OSBPL6: variants seen among roughly 807,000 people sequenced by gnomAD.
OSBPL6 encodes oxysterol-binding protein-related protein 6.
In OSBPL6, 49 loss-of-function variants were observed where a neutral mutation model predicts 125.8. The observed-to-expected ratio is 0.39, with a 90% CI of 0.31 to 0.49. OSBPL6 has a LOEUF of 0.49. Ranked by LOEUF, OSBPL6 falls within the 20% of genes least tolerant of loss-of-function variation. The pLI is 0.88. For synonymous variants in OSBPL6, 394 were observed against 391.8 expected, an observed-to-expected ratio of 1.01 and a Z score of -0.07; for missense variants, 986 against 1,135.4, an observed-to-expected ratio of 0.87 and a Z score of 1.89.
intron 1 of OSBPL6, among the ~76,000 whole-genome samples, chr2:178,224,455 G>C (rs2090468418): frequency 6.6e-6 from 1 of 152,184 alleles, no homozygotes; most frequent in Non-Finnish European, 1.5e-5. Flanking sequence ...AAACAGCCTT[G>C]CATGTGAATG....
At chr2:178,290,690 A>G (rs1379978269) in intron 2 of OSBPL6, among the ~76,000 whole-genome samples, 1 of 152,094 alleles carries the variant, frequency 6.6e-6, no homozygotes, top group Non-Finnish European at 1.5e-5. Flanking sequence ...TGTGCATTCC[A>G]TACCCCAGTC....
chr2:178,202,900 G>GTACCT (rs2089332392), intron 1 of OSBPL6, among the ~76,000 whole-genome samples: 1 of 151,706 alleles, frequency 6.6e-6, no homozygotes, highest in African/African-American at 2.4e-5. Context: ...GTACCTTGAT[G>GTACCT]TGGTTTTCTT....
At chr2:178,394,250 T>C in intron 23 of OSBPL6, 63 bp from the exon 24 acceptor site, 6 of 1,576,842 alleles carry the variant, frequency 3.8e-6, no homozygotes, top group Non-Finnish European at 5.2e-6. Flanking sequence ...TTTGTGCAAA[T>C]GAGGTTTTTT....
chr2:178,383,703 A>G (rs1040417390), intron 17 of OSBPL6, among the ~76,000 whole-genome samples: 1 of 152,280 alleles, frequency 6.6e-6, no homozygotes, highest in African/African-American at 2.4e-5. Context: ...CGCAACCACA[A>G]TCCTCATGCA....
chr2:178,194,817 C>T (rs1054129489), intron 1 of OSBPL6, 143 bp downstream of exon 1: 1 of 152,302 alleles, frequency 6.6e-6, no homozygotes, highest in Non-Finnish European at 1.5e-5. Flanking sequence ...GTCCCCAGGA[C>T]ATCGCCGTCC....
intron 1 of OSBPL6, among the ~76,000 whole-genome samples, chr2:178,213,458 T>G (rs1236253598): frequency 6.6e-6 from 1 of 151,906 alleles, no homozygotes; most frequent in African/African-American, 2.4e-5. Context: ...CTAAACTCCA[T>G]GTCTTGTTGA....
At chr2:178,356,789 T>G (rs1691833159) in intron 12 of OSBPL6, among the ~76,000 whole-genome samples, 1 of 152,222 alleles carries the variant, frequency 6.6e-6, no homozygotes, top group Admixed American at 6.5e-5. Context: ...AAGACAATCT[T>G]AAGCAAAAAG....
chr2:178,334,901 G>A (rs1374013973), intron 8 of OSBPL6, among the ~76,000 whole-genome samples: 2 of 152,044 alleles, frequency 1.3e-5, no homozygotes, highest in African/African-American at 4.8e-5. Flanking sequence ...ATAGGGTGTT[G>A]GATTAACCCT....
chr2:178,238,925 A>G (rs334001), intron 1 of OSBPL6, among the ~76,000 whole-genome samples: 97,095 of 152,148 alleles, frequency 0.64, 33,214 homozygotes, highest in African/African-American at 0.9. Context: ...GCCTGTTAAC[A>G]GTCACCTCCA....
intron 3 of OSBPL6, among the ~76,000 whole-genome samples, chr2:178,323,311 C>A (rs1339751906): frequency 2.0e-5 from 3 of 152,130 alleles, no homozygotes. Flanking sequence ...GTGTACTTCA[C>A]CCATTTTTCT....
intron 8 of OSBPL6, among the ~76,000 whole-genome samples, chr2:178,335,097 T>TA (rs1689560622): frequency 6.6e-6 from 1 of 152,158 alleles, no homozygotes. Context: ...AATAGATCTT[T>TA]AAAAAATATA....
At chr2:178,311,163 A>G (rs1574834919) in intron 3 of OSBPL6, among the ~76,000 whole-genome samples, 1 of 152,250 alleles carries the variant, frequency 6.6e-6, no homozygotes, top group South Asian at 2.1e-4. Flanking sequence ...CTGAGCGCAT[A>G]CCATGTTCCC....
rs200622460 is a variant in OSBPL6 at position 178,383,250 on chromosome 2, G to T, written c.1848G>T (p.Ser616=). The T allele has an allele frequency of 6.2e-7, 1 of 1,614,104 alleles. No homozygotes were observed. Among genetic ancestry groups the T allele is most frequent in the South Asian group, 1.1e-5 (1 of 91,072 alleles). ...MEYSELLDKA[S]ETDDPYERMV... ...ACAGCGAGCTCCTGGACAAGGCTTC[G>T]GAAACTGATGATCCATATGAGCGCA... The change falls in exon 17 of 25, where the codon TCG becomes TCT. Residue 616 remains serine, a synonymous_variant. Transcript: ENST00000190611.
At chr2:178,256,927 T>C (rs2091904607) in intron 1 of OSBPL6, among the ~76,000 whole-genome samples, 1 of 152,168 alleles carries the variant, frequency 6.6e-6, no homozygotes, top group Non-Finnish European at 1.5e-5. Flanking sequence ...TGTCTCTCAA[T>C]ATGACTTGTA....
At chr2:178,212,801 C>T (rs1445091184) in intron 1 of OSBPL6, among the ~76,000 whole-genome samples, 1 of 143,026 alleles carries the variant, frequency 7.0e-6, no homozygotes, top group East Asian at 2.0e-4. Context: ...TGAACACAGA[C>T]CCTCTTGATA....
In OSBPL6 at chr2:178,394,397, G is replaced by A; in HGVS notation, c.2658G>A (p.Met886Ile). Residue 886 changes from methionine to isoleucine, a missense_variant, in exon 24 of 25, where the codon ATG becomes ATA. By Grantham distance (10) the Met-to-Ile change is conservative. Around this residue, in one of 3 missense-constraint regions of OSBPL6, gnomAD observed 843 missense variants for 997.3 expected, o/e 0.85. Coordinates refer to ENST00000190611, the MANE Select transcript of OSBPL6 (RefSeq NM_032523.4). ...TCCAGAGATCTCGGAGACGATATAT[G>A]GAAGAAAACAATCTTGAACATATAC... The part of the protein sequence containing the change: ...EELQRSRRRY[M>I]EENNLEHIPK... 6.2e-7 allele frequency: 1 copy of A among 1,613,074 alleles called. No homozygotes were observed. Among genetic ancestry groups the A allele is most frequent in the Non-Finnish European group, 8.5e-7 (1 of 1,179,652 alleles).
intron 2 of OSBPL6, 126 bp downstream of exon 2, chr2:178,285,247 T>C (rs1462185910): frequency 2.5e-6 from 1 of 392,528 alleles, no homozygotes; most frequent in Non-Finnish European, 4.5e-6. Flanking sequence ...CTCTTATTTG[T>C]ATGTCAGATC....
chr2:178,342,074 AT>A (rs1413212271), intron 11 of OSBPL6, among the ~76,000 whole-genome samples: 1 of 152,122 alleles, frequency 6.6e-6, no homozygotes, highest in African/African-American at 2.4e-5. Flanking sequence ...CCTGTTTTAA[AT>A]GTTTTGATCA....
intron 1 of OSBPL6, among the ~76,000 whole-genome samples, chr2:178,264,968 C>A (rs1661676865): frequency 6.6e-6 from 1 of 151,832 alleles, no homozygotes; most frequent in African/African-American, 2.4e-5. Flanking sequence ...TAGCCCTCTG[C>A]AGCCTCCAAC....
Sources: gnomAD v4.1 joint callset for allele counts (sites outside exome capture counted in the v4.1 genomes callset) on GRCh38, gnomAD v4.1.1 for gene constraint, gnomAD v4.1.1 regional missense constraint, MANE v1.5 for transcripts, NCBI Gene and HGNC (gene_info 2026-07-23, HGNC 2026-07-21) for gene names.